The following ACE variants were observed in gnomAD, a reference collection of about 807,000 sequenced individuals.
ACE encodes the protein angiotensin I converting enzyme, also known as angiotensin-converting enzyme.
Under a neutral mutation model 162.3 loss-of-function variants are expected in ACE, and 122 were observed. That is an observed-to-expected ratio of 0.75 (90% CI 0.65 to 0.87). The LOEUF is 0.87. ACE is among the 40% of genes least tolerant of loss of function. ACE has a pLI of 0.00. For missense variants in ACE, 1,799 were observed against 1,735.1 expected, an observed-to-expected ratio of 1.04 and a Z score of -0.65; for synonymous variants, 796 against 720.6, an observed-to-expected ratio of 1.10 and a Z score of -1.68.
intron 19 of ACE, among the ~76,000 whole-genome samples, chr17:63,492,849 C>T (rs745344158): frequency 1.3e-5 from 2 of 152,054 alleles, no homozygotes; most frequent in African/African-American, 2.4e-5. Flanking sequence ...TAGCGAGACC[C>T]CATTTCATAA....
At chr17:63,489,993 G>A (rs2030262457) in intron 17 of ACE, 1 of 152,518 alleles carries the variant, frequency 6.6e-6, no homozygotes, top group Non-Finnish European at 1.5e-5. Context: ...GGGAGCTGGG[G>A]CAGAGCTGGC....
In ACE at chr17:63,497,318, C is replaced by T. The variant is rs1217507273; in HGVS notation, c.3873C>T (p.His1291=). ...TCCGCCACCGCAGCCTCCACCGGCA[C>T]TCCCACGGGCCCCAGTTCGGCTCCG... The part of the protein sequence containing the change: ...FSIRHRSLHR[H]SHGPQFGSEV... Residue 1291 remains histidine (H), a synonymous_variant, in exon 25 of 25, where the codon CAC becomes CAT. Coordinates refer to ENST00000290866, the MANE Select transcript of ACE (RefSeq NM_000789.4). The T allele has an allele frequency of 3.9e-6, 6 of 1,549,274 alleles. No individual in the cohort carries two copies. In the African/African-American group the frequency reaches 6.8e-5, roughly 18 times the overall value.
At chr17:63,496,207 A>G in intron 22 of ACE, 187 bp from the exon 23 acceptor site, 1 of 799,226 alleles carries the variant, frequency 1.3e-6, no homozygotes, top group Non-Finnish European at 2.0e-6. Flanking sequence ...GAAGAGGCTC[A>G]GACAATGCTA....
intron 21 of ACE, 76 bp from the exon 22 acceptor site, chr17:63,494,292 ACCCT>A: frequency 7.2e-7 from 1 of 1,384,796 alleles, no homozygotes; most frequent in Non-Finnish European, 1.0e-6. Context: ...AAGTGCAGGG[ACCCT>A]CCCTCAAGTC....
chr17:63,478,217 A>G, intron 2 of ACE, 119 bp downstream of exon 2: 1 of 1,319,508 alleles, frequency 7.6e-7, no homozygotes, highest in Admixed American at 2.2e-5. Flanking sequence ...GCCCTGACAG[A>G]AGGGAAAGCC....
At chr17:63,490,609 A>G (rs942376680) in intron 17 of ACE, 9 of 373,372 alleles carry the variant, frequency 2.4e-5, no homozygotes, top group Admixed American at 1.1e-4. Flanking sequence ...TGCAGAGCCA[A>G]TAAGAGGTGG....
In ACE at chr17:63,479,815, G is replaced by A; in HGVS notation, c.558G>A (p.Leu186=). ...CCTCGCGAAGCTACGCCATGCTCCT[G>A]TTTGCCTGGGAGGGCTGGCACAACG... The part of the protein sequence containing the change: ...LASSRSYAML[L]FAWEGWHNAA... The change falls in exon 4 of 25, where the codon CTG becomes CTA. Residue 186 remains leucine (L), a synonymous_variant. Coordinates refer to ENST00000290866, the MANE Select transcript of ACE (RefSeq NM_000789.4). 1 of 1,613,412 alleles carries A rather than the reference G, an allele frequency of 6.2e-7. No homozygotes were observed. Among genetic ancestry groups the A allele is most frequent in the Non-Finnish European group, 8.5e-7 (1 of 1,180,038 alleles).
intron 8 of ACE, 97 bp from the exon 9 acceptor site, chr17:63,482,932 C>A: frequency 7.4e-7 from 1 of 1,346,002 alleles, no homozygotes; most frequent in South Asian, 1.2e-5. Flanking sequence ...CTGCATCTCC[C>A]TGGCCTCACT....
chr17:63,490,745 C>T (rs919400513), intron 17 of ACE: 10 of 600,372 alleles, frequency 1.7e-5, no homozygotes, highest in South Asian at 1.6e-4. Flanking sequence ...CAGCAAGGCC[C>T]CCACCTAGAG....
chr17:63,485,907 A>T (rs2147544609), intron 13 of ACE: 1 of 195,906 alleles, frequency 5.1e-6, no homozygotes, highest in Admixed American at 5.3e-5. Flanking sequence ...GGAGTTGGAG[A>T]CTAGCCTGGG....
chr17:63,486,624 T>C lies in ACE; in HGVS notation c.2126T>C (p.Val709Ala). 6.2e-7 allele frequency: 1 copy of C among 1,614,204 alleles called. No individual in the cohort carries two copies. The highest frequency in any genetic ancestry group is 8.5e-7 in the Non-Finnish European group (1 of 1,180,036). ...GGCACCCAGGCCAGGAAGTTTGATG[T>C]GAACCAGTTGCAGAACACCACTATC... The part of the protein sequence containing the change: ...KYGTQARKFD[V>A]NQLQNTTIKR... The change falls in exon 14 of 25, where the codon GTG becomes GCG. Residue 709 changes from valine to alanine, a missense_variant. Transcript: ENST00000290866.
In ACE at chr17:63,491,522, T is replaced by A; in HGVS notation, c.2912+141T>A. The A allele has an allele frequency of 8.9e-7, 1 of 1,121,276 alleles. No individual in the cohort carries two copies. The highest frequency in any genetic ancestry group is 1.3e-6 in the Non-Finnish European group (1 of 761,992). The allele number at this position is 1,121,276 out of a possible 1,614,324, so 69.5% of individuals were successfully genotyped here. A position where few individuals can be genotyped will look rare whatever the true frequency, so the allele number is the denominator to read the frequency against. ...GGGCCAGAGTTTGGGACTGAGTGTC[T>A]AGAGAGGTGTTGGCTTCTGGCAGGA... On this transcript the variant is annotated intron_variant, in intron 19 of 24. Transcript: ENST00000290866. This position sits in a 1 kb window ranked among gnomAD's most constrained non-coding sequence, Gnocchi z 4.4.
chr17:63,491,127 T>G lies in ACE; in HGVS notation c.2739+76T>G. The G allele has an allele frequency of 1.2e-6, 2 of 1,610,908 alleles. No homozygotes were observed. The highest frequency in any genetic ancestry group is 1.7e-6 in the Non-Finnish European group (2 of 1,178,074). On this transcript the variant is annotated intron_variant, in intron 18 of 24. Transcript: ENST00000290866. This position sits in a 1 kb window ranked among gnomAD's most constrained non-coding sequence, Gnocchi z 4.4. ...TCTGATTCAGGAGTTCCCTCCAGTTTAGCCCTCCCCCGGGATCCCCACGGC... is the reference window on the plus strand; with the variant it reads ...TCTGATTCAGGAGTTCCCTCCAGTTGAGCCCTCCCCCGGGATCCCCACGGC...
At chr17:63,485,410 G>GCA (rs755559363) in intron 13 of ACE, 38 bp downstream of exon 13, 2 of 1,612,872 alleles carry the variant, frequency 1.2e-6, no homozygotes, top group East Asian at 2.2e-5. Flanking sequence ...CTGAGCATGT[G>GCA]CATACACACA....
At chr17:63,494,595 G>T in intron 22 of ACE, 125 bp downstream of exon 22, 1 of 834,594 alleles carries the variant, frequency 1.2e-6, no homozygotes, top group Non-Finnish European at 2.0e-6. Context: ...CCGGCCGCAC[G>T]GTGCAGGTGC....
chr17:63,496,407 T>C lies in ACE; in HGVS notation c.3394T>C (p.Phe1132Leu). Residue 1132 changes from phenylalanine to leucine, a missense_variant, in exon 23 of 25, where the codon TTC (phenylalanine) becomes CTC (leucine). Phe to Leu is a conservative substitution (Grantham distance 22, BLOSUM62 0). Transcript: ENST00000290866. ...SVPYIRYFVS[F>L]IIQFQFHEAL... The stretch of plus-strand genomic sequence containing the variant: ...GCTCTGCTCCAGGTACTTTGTCAGC[T>C]TCATCATCCAGTTCCAGTTCCACGA... The C allele has an allele frequency of 6.2e-7, 1 of 1,614,208 alleles. No individual in the cohort carries two copies.
Position 63,483,567 on chromosome 17 carries a change from G to GCA in ACE, c.1586+10_1586+11insAC. ...GTGACACCATACATCAGGTATTAGC[G>GCA]CCCCCACCCCACCCACCCCCAGTAC... On this transcript the variant is annotated intron_variant, in intron 10 of 24. Transcript: ENST00000290866. The GCA allele has an allele frequency of 6.3e-7, 1 of 1,589,562 alleles. No homozygotes were observed. Among genetic ancestry groups the GCA allele is most frequent in the Non-Finnish European group, 8.6e-7 (1 of 1,165,670 alleles).
rs1222739179 is a variant in ACE at position 63,483,531 on chromosome 17, A to G, written c.1559A>G (p.His520Arg). The G allele has an allele frequency of 1.2e-6, 2 of 1,613,962 alleles. No individual in the cohort carries two copies. The highest frequency in any genetic ancestry group is 2.2e-5 in the East Asian group (1 of 44,884). Residue 520 changes from histidine (H) to arginine (R), a missense_variant, in exon 10 of 25, where the codon CAT becomes CGT. Transcript: ENST00000290866. ...CACTTTGATGCTGGAGCTAAGTTTC[A>G]TGTTCCAAATGTGACACCATACATC... ...ETHFDAGAKF[H>R]VPNVTPYIRY... is the part of the protein sequence containing the mutation.
intron 22 of ACE, 85 bp from the exon 23 acceptor site, chr17:63,496,309 A>G: frequency 6.2e-7 from 1 of 1,601,336 alleles, no homozygotes; most frequent in South Asian, 1.1e-5. Flanking sequence ...CACACATCAC[A>G]TGTGATGTGC....
Sources: gnomAD v4.1 joint callset for allele counts (sites outside exome capture counted in the v4.1 genomes callset) on GRCh38, gnomAD v4.1.1 for gene constraint, Gnocchi (gnomAD v3.1) non-coding constraint, MANE v1.5 for transcripts, NCBI Gene and HGNC (gene_info 2026-07-23, HGNC 2026-07-21) for gene names.